The following NCAPD3 variants were observed in gnomAD, a reference collection of about 807,000 sequenced individuals.
NCAPD3 encodes non-SMC condensin II complex subunit D3, also known as condensin-2 complex subunit D3.
NCAPD3 carries 105 observed loss-of-function variants against 182.9 expected under a neutral mutation model. The observed-to-expected ratio is 0.57, with a 90% CI of 0.49 to 0.68. The LOEUF is 0.68. Among genes scored for constraint, NCAPD3 ranks in the 30% least tolerant of loss-of-function variants. The pLI is 0.00. For synonymous variants in NCAPD3, 815 were observed against 679.9 expected, an observed-to-expected ratio of 1.20 and a Z score of -3.09; for missense variants, 1,944 against 1,837.0, an observed-to-expected ratio of 1.06 and a Z score of -1.07.
rs141026587 is a variant in NCAPD3 at position 134,153,385 on chromosome 11, CTGAG to C, written c.4253-26_4253-23del. 3,010 of 1,613,238 alleles carry C rather than the reference CTGAG, an allele frequency of 1.9e-3. 37 individuals are homozygous for C. In the African/African-American group the frequency reaches 0.034, roughly 18 times the overall value. On this transcript the variant is annotated intron_variant, in intron 32 of 34. Transcript: ENST00000534548. ...CTCTCTGCATAAAGAGGAGACACCA[CTGAG>C]TGAAAGCCGCGTGGTCTATCGGAGG...
At chr11:134,180,361 C>A (rs1243583896) in intron 20 of NCAPD3, among the ~76,000 whole-genome samples, 1 of 152,072 alleles carries the variant, frequency 6.6e-6, no homozygotes, top group Admixed American at 6.6e-5. Flanking sequence ...AGAAAAATGG[C>A]CCGTTTTGGT....
intron 19 of NCAPD3, among the ~76,000 whole-genome samples, chr11:134,182,711 A>T (rs1003972087): frequency 1.3e-5 from 2 of 152,264 alleles, no homozygotes; most frequent in Non-Finnish European, 2.9e-5. Flanking sequence ...CACAAAACAG[A>T]TAACAAAAAT....
At chr11:134,171,673 G>C (rs1299114038) in intron 24 of NCAPD3, among the ~76,000 whole-genome samples, 1 of 152,164 alleles carries the variant, frequency 6.6e-6, no homozygotes, top group Admixed American at 6.5e-5. Flanking sequence ...GTGATGGTCT[G>C]TCTAGACCCT....
chr11:134,188,003 G>C lies in NCAPD3; in HGVS notation c.2046-2477C>G, dbSNP rs142794436. ...GAGGTGATGAAGTTAAAACGTGGCT[G>C]TTAGGGTCGGCCCTAACCCAAGCTC... On this transcript the variant is annotated intron_variant, in intron 16 of 34. Transcript: ENST00000534548. Among the ~76,000 whole-genome samples the C allele has an allele frequency of 4.2e-3, 640 of 152,294 alleles. 4 individuals carry two copies. The highest frequency in any genetic ancestry group is 0.015 in the African/African-American group (613 of 41,546).
chr11:134,201,360 G>A (rs117961334), intron 13 of NCAPD3, among the ~76,000 whole-genome samples: 2,215 of 152,222 alleles, frequency 0.015, 21 homozygotes, highest in Non-Finnish European at 0.021. Flanking sequence ...GAAAATTACT[G>A]GTTGCCAGTG....
In NCAPD3 at chr11:134,208,872, C is replaced by CT. The variant is rs1565554768; in HGVS notation, c.873dup (p.Gly292ArgfsTer3). 1 of 1,610,446 alleles carries CT rather than the reference C, an allele frequency of 6.2e-7. No individual in the cohort carries two copies. The highest frequency in any genetic ancestry group is 1.1e-5 in the South Asian group (1 of 90,478). On this transcript the variant is annotated frameshift_variant, in exon 7 of 35. Transcript: ENST00000534548. LOFTEE classifies it high-confidence loss of function. Reference sequence around the variant, plus strand: ...GTTCTCATCTCCTTTACCTTATCTCCTTCTCCATGAATGGGAGAGCACAGC... The same window carrying CT: ...GTTCTCATCTCCTTTACCTTATCTCCTTTCTCCATGAATGGGAGAGCACAGC...
chr11:134,215,115 G>A (rs1937968158), intron 3 of NCAPD3, among the ~76,000 whole-genome samples: 1 of 152,200 alleles, frequency 6.6e-6, no homozygotes, highest in Admixed American at 6.5e-5. Context: ...CTTCACAAGT[G>A]CAGAAAAGCG....
intron 1 of NCAPD3, among the ~76,000 whole-genome samples, chr11:134,221,744 A>T (rs1938237256): frequency 6.6e-6 from 1 of 152,224 alleles, no homozygotes; most frequent in African/African-American, 2.4e-5. Context: ...TGGGAGCATT[A>T]CACTGCACTC....
chr11:134,202,668 C>A (rs1944773106), intron 13 of NCAPD3, 148 bp downstream of exon 13: 2 of 559,726 alleles, frequency 3.6e-6, no homozygotes, highest in Admixed American at 7.3e-5. Context: ...GGATTACAGG[C>A]ATGAGTCACC....
rs567904457 is a variant in NCAPD3, at chr11:134,152,611, G to C, written c.*333C>G. 7.3e-5 allele frequency: 15 copies of C among 205,766 alleles called. No homozygotes were observed. The highest frequency in any genetic ancestry group is 1.2e-4 in the Admixed American group (2 of 17,082). The allele number at this position is 205,766 out of a possible 1,614,324, so 12.7% of individuals were successfully genotyped here. A position where few individuals can be genotyped will look rare whatever the true frequency, so the allele number is the denominator to read the frequency against. ...TAACAGAGGCTTGATTTATATAAAAGAAAGCTGCAGTTTTAAAGTTGTGTT... is the reference window on the plus strand; with the variant it reads ...TAACAGAGGCTTGATTTATATAAAACAAAGCTGCAGTTTTAAAGTTGTGTT... On this transcript the variant is annotated 3_prime_UTR_variant, in exon 35 of 35. Coordinates refer to ENST00000534548, the MANE Select transcript of NCAPD3 (RefSeq NM_015261.3).
intron 3 of NCAPD3, among the ~76,000 whole-genome samples, chr11:134,213,950 T>C (rs1334742055): frequency 6.6e-6 from 1 of 151,996 alleles, no homozygotes; most frequent in African/African-American, 2.4e-5. Flanking sequence ...AGAGGAGAAA[T>C]AGATAAACTG....
At position 134,174,675 on chromosome 11, in the gene NCAPD3, G is replaced by A. The variant is rs961837397; in HGVS notation, c.3101+1632C>T. Among the ~76,000 whole-genome samples, 11 of 152,206 alleles carry A rather than the reference G, an allele frequency of 7.2e-5. No individual in the cohort carries two copies. In the East Asian group the frequency reaches 1.4e-3, roughly 19 times the overall value. ...AGGAAAATGCTCAACAGCACTGTAG[G>A]TTGAATATAATAACAACAATTTACT... On this transcript the variant is annotated intron_variant, in intron 24 of 34. Transcript: ENST00000534548.
At chr11:134,180,652 G>A (rs1259030172) in intron 20 of NCAPD3, among the ~76,000 whole-genome samples, 1 of 152,192 alleles carries the variant, frequency 6.6e-6, no homozygotes, top group Non-Finnish European at 1.5e-5. Context: ...CAATTGCTCA[G>A]CACTGTTCCC....
intron 21 of NCAPD3, 29 bp downstream of exon 21, chr11:134,178,793 G>T: frequency 6.2e-7 from 1 of 1,612,060 alleles, no homozygotes. Context: ...CGGCATGCGT[G>T]CTACAGAGTA....
chr11:134,192,869 C>A lies in NCAPD3; in HGVS notation c.1865G>T (p.Arg622Leu), dbSNP rs12292394. 5.6e-5 allele frequency: 90 copies of A among 1,613,844 alleles called. No homozygotes were observed. In the African/African-American group the frequency reaches 9.7e-4, roughly 17 times the overall value. ...RCVQIQKAWL[R>L]GVVPVVMDCE... The stretch of plus-strand genomic sequence containing the variant: ...GTCCATCACCACCGGGACCACCCCC[C>A]GCAACCAGGCTTTCTGGATCTGCAC... The change falls in exon 16 of 35, where the codon CGG (arginine) becomes CTG (leucine). Residue 622 changes from arginine to leucine, a missense_variant. Around this residue, in one of 3 missense-constraint regions of NCAPD3, gnomAD observed 1,803 missense variants for 1,674.6 expected, o/e 1.08. Transcript: ENST00000534548.
chr11:134,206,573 G>A (rs200641261), intron 8 of NCAPD3, 26 bp downstream of exon 8: 221 of 1,612,632 alleles, frequency 1.4e-4, no homozygotes, highest in Non-Finnish European at 1.8e-4. Context: ...CTGACAGGGT[G>A]AAAATTCACG....
rs201518163 is a variant in NCAPD3, at chr11:134,184,820, C to T, written c.2336-68G>A. 0.21 allele frequency: 244,885 copies of T among 1,143,066 alleles called. 19,505 individuals are homozygous for T. Among genetic ancestry groups the T allele is most frequent in the African/African-American group, 0.33 (20,436 of 61,250 alleles). 70.8% of individuals were successfully genotyped at this position (1,143,066 alleles called of 1,614,324 possible). A position where few individuals can be genotyped will look rare whatever the true frequency, so the allele number is the denominator to read the frequency against. On this transcript the variant is annotated intron_variant, in intron 18 of 34. Transcript: ENST00000534548. ...ATATTCAGGTATATATACACACACA[C>T]ACACACACACACACACACACACACA...
At chr11:134,174,382 C>CAAAAAAAAAAAAAAAAAAAAAAAAA (rs34533048) in intron 24 of NCAPD3, among the ~76,000 whole-genome samples, 1 of 53,634 alleles carries the variant, frequency 1.9e-5, no homozygotes, top group Non-Finnish European at 3.2e-5. Flanking sequence ...GACCCTGTCT[C>CAAAAAAAAAAAAAAAAAAAAAAAAA]AAAAAAAAAA....
At chr11:134,206,797 A>G (rs1937623919) in intron 7 of NCAPD3, 65 bp from the exon 8 acceptor site, 1 of 1,520,206 alleles carries the variant, frequency 6.6e-7, no homozygotes, top group African/African-American at 1.4e-5. Context: ...AGACATAGTG[A>G]TGCAGACTGT....
Sources: gnomAD v4.1 joint callset for allele counts (sites outside exome capture counted in the v4.1 genomes callset) on GRCh38, gnomAD v4.1.1 for gene constraint, gnomAD v4.1.1 regional missense constraint, MANE v1.5 for transcripts, NCBI Gene and HGNC (gene_info 2026-07-23, HGNC 2026-07-21) for gene names.